The following PRMT8 variants were observed in gnomAD, a reference collection of about 807,000 sequenced individuals.
The protein encoded by PRMT8 is protein arginine N-methyltransferase 8.
PRMT8 carries 7 observed loss-of-function variants against 47.1 expected under a neutral mutation model. The ratio of observed to expected loss-of-function variants is 0.15; its 90% confidence interval spans 0.08 to 0.28. The LOEUF is 0.28. Among genes scored for constraint, PRMT8 ranks in the 10% least tolerant of loss-of-function variants. The probability of loss-of-function intolerance (pLI) is 1.00; values close to 1 mark genes in which losing one functional copy is unlikely to be tolerated. For synonymous variants in PRMT8, 188 were observed against 186.5 expected, an observed-to-expected ratio of 1.01 and a Z score of -0.07; for missense variants, 237 against 505.4, an observed-to-expected ratio of 0.47 and a Z score of 5.09.
chr12:3,476,034 CT>C (rs1182716982), intron 1 of PRMT8, among the ~76,000 whole-genome samples: 1 of 152,154 alleles, frequency 6.6e-6, no homozygotes, highest in African/African-American at 2.4e-5. Context: ...ATCTGGACAC[CT>C]TTATAGAGGG....
Position 3,514,124 on chromosome 12 carries a change from G to T in PRMT8, c.75+22424G>T, listed in dbSNP as rs77107766. ...CTTTGTCAGGGTCAAAGAGTTGGCCGCAGGGCCAAAGTCAGGCTGTGAGCC... is the reference window on the plus strand; with the variant it reads ...CTTTGTCAGGGTCAAAGAGTTGGCCTCAGGGCCAAAGTCAGGCTGTGAGCC... On this transcript the variant is annotated intron_variant, in intron 1 of 9. Coordinates refer to ENST00000382622, the MANE Select transcript of PRMT8 (RefSeq NM_019854.5). This position sits in a 1 kb window ranked among gnomAD's most constrained non-coding sequence, Gnocchi z 5.9. Among the ~76,000 whole-genome samples, 2 of 152,186 alleles carry T rather than the reference G, an allele frequency of 1.3e-5. No homozygotes were observed. The highest frequency in any genetic ancestry group is 3.9e-4 in the East Asian group (2 of 5,172).
chr12:3,504,460 C>T (rs1425254655), intron 1 of PRMT8, among the ~76,000 whole-genome samples: 8 of 117,160 alleles, frequency 6.8e-5, no homozygotes, highest in African/African-American at 7.7e-5. Flanking sequence ...AATACCCTGC[C>T]GTGTGAGGTG....
At chr12:3,546,721 C>T (rs983858952) in intron 2 of PRMT8, among the ~76,000 whole-genome samples, 3 of 152,114 alleles carry the variant, frequency 2.0e-5, no homozygotes, top group Non-Finnish European at 2.9e-5. Flanking sequence ...TATGGTTTTA[C>T]TGGTGAATTA....
chr12:3,470,507 C>G (rs1340128685), intron 1 of PRMT8, among the ~76,000 whole-genome samples: 2 of 152,146 alleles, frequency 1.3e-5, no homozygotes, highest in Non-Finnish European at 2.9e-5. Flanking sequence ...AGTGGGAGGT[C>G]TGTGAGCTCC....
chr12:3,399,114 G>A (rs971957022), intron 1 of PRMT8, among the ~76,000 whole-genome samples: 2 of 152,108 alleles, frequency 1.3e-5, no homozygotes, highest in African/African-American at 4.8e-5. Flanking sequence ...AGGGCTCGTT[G>A]GCTCTCCCCA....
At chr12:3,454,564 C>T (rs4766123) in intron 1 of PRMT8, among the ~76,000 whole-genome samples, 1 of 151,948 alleles carries the variant, frequency 6.6e-6, no homozygotes, top group African/African-American at 2.4e-5. Context: ...CCAGGGAAGA[C>T]GGGGCGGGCA....
At chr12:3,532,403 A>G (rs1326738377) in intron 1 of PRMT8, among the ~76,000 whole-genome samples, 3 of 150,574 alleles carry the variant, frequency 2.0e-5, no homozygotes, top group East Asian at 1.9e-4. Context: ...TGAGGTCAGG[A>G]GTTCGAGACC....
At chr12:3,384,737 G>T (rs1315256059) in intron 1 of PRMT8, among the ~76,000 whole-genome samples, 3 of 152,084 alleles carry the variant, frequency 2.0e-5, no homozygotes, top group Non-Finnish European at 2.9e-5. Context: ...AACCAGTCTC[G>T]CAAAGAGAAT....
At chr12:3,410,942 A>C (rs1864423000) in intron 1 of PRMT8, among the ~76,000 whole-genome samples, 1 of 152,202 alleles carries the variant, frequency 6.6e-6, no homozygotes, top group African/African-American at 2.4e-5. Flanking sequence ...TATAGTAGTA[A>C]TTTGAGGTTC....
chr12:3,491,884 G>C (rs1213790405), intron 1 of PRMT8, among the ~76,000 whole-genome samples, 184 bp downstream of exon 1: 3 of 89,270 alleles, frequency 3.4e-5, no homozygotes, highest in Non-Finnish European at 7.2e-5. Flanking sequence ...GTGTGTGTGT[G>C]TGTGTTGGTG....
At chr12:3,499,405 A>T (rs1236156192) in intron 1 of PRMT8, among the ~76,000 whole-genome samples, 3 of 74,860 alleles carry the variant, frequency 4.0e-5, no homozygotes, top group African/African-American at 1.8e-4. Flanking sequence ...TGTCCATGTG[A>T]TCTCATTGTT....
At chr12:3,519,455 G>A (rs1489933311) in intron 1 of PRMT8, among the ~76,000 whole-genome samples, 8 of 152,162 alleles carry the variant, frequency 5.3e-5, no homozygotes, top group African/African-American at 7.2e-5. Flanking sequence ...CCACTGAGGC[G>A]GGACAGGGCC....
At chr12:3,517,616 C>T (rs2137137064) in intron 1 of PRMT8, among the ~76,000 whole-genome samples, 1 of 152,162 alleles carries the variant, frequency 6.6e-6, no homozygotes, top group Middle Eastern at 3.4e-3. Flanking sequence ...GCTGAGTACA[C>T]AGAGGTGTGC....
chr12:3,576,789 C>T lies in PRMT8; in HGVS notation c.713-82C>T, dbSNP rs1287113011. 9.3e-6 allele frequency: 10 copies of T among 1,071,272 alleles called. No homozygotes were observed. Among genetic ancestry groups the T allele is most frequent in the African/African-American group, 1.6e-5 (1 of 64,120 alleles). The allele number at this position is 1,071,272 out of a possible 1,614,324, so 66.4% of individuals were successfully genotyped here. A position where few individuals can be genotyped will look rare whatever the true frequency, so the allele number is the denominator to read the frequency against. The stretch of plus-strand genomic sequence containing the variant: ...CGAGCTGCCACTCAGCCCTCAGGCA[C>T]GCTGTGCTCTAGGACTCAGGAGGGT... On this transcript the variant is annotated intron_variant, in intron 6 of 9. Coordinates refer to ENST00000382622, the MANE Select transcript of PRMT8 (RefSeq NM_019854.5). The surrounding 1 kb of genome is among the most constrained non-coding windows in gnomAD (Gnocchi z 4.0).
Position 3,401,101 on chromosome 12 carries a change from C to T in PRMT8, c.48+19659C>T, listed in dbSNP as rs372965615. Among the ~76,000 whole-genome samples the T allele has an allele frequency of 2.4e-4, 34 of 141,892 alleles. No homozygotes were observed. In the East Asian group the frequency reaches 6.0e-3, roughly 25 times the overall value. 93.1% of individuals were successfully genotyped at this position (141,892 alleles called of 152,430 possible). A position where few individuals can be genotyped will look rare whatever the true frequency, so the allele number is the denominator to read the frequency against. ...GGTGGAGGTTGTGGTGAGCTGAGAT[C>T]GCACCATTACACTCCAGCCTGGACA... On this transcript the variant is annotated intron_variant, in intron 1 of 9. Coordinates refer to the PRMT8 transcript ENST00000452611.
chr12:3,542,463 G>C (rs933065286), intron 2 of PRMT8, among the ~76,000 whole-genome samples: 2 of 152,226 alleles, frequency 1.3e-5, no homozygotes, highest in Admixed American at 6.5e-5. Context: ...GGGCAAAAGA[G>C]ACTCTGCGAA....
rs1864970701 is a variant in PRMT8, at chr12:3,456,119, C to T, written c.48+74677C>T. On this transcript the variant is annotated intron_variant, in intron 1 of 9. Coordinates refer to the PRMT8 transcript ENST00000452611. This position sits in a 1 kb window ranked among gnomAD's most constrained non-coding sequence, Gnocchi z 4.2. ...CAAACTATTTAGCCCAACTCCTGGC[C>T]ATGAGCTAGGTGCTAAGAGTGCTTT... is the stretch of plus-strand genomic sequence containing the variant. 6.6e-6 allele frequency among the ~76,000 whole-genome samples: 1 copy of T among 152,224 alleles called. No homozygotes were observed. The highest frequency in any genetic ancestry group is 1.5e-5 in the Non-Finnish European group (1 of 68,046).
At chr12:3,418,538 C>T (rs74438581) in intron 1 of PRMT8, among the ~76,000 whole-genome samples, 2,816 of 152,308 alleles carry the variant, frequency 0.018, 91 homozygotes, top group African/African-American at 0.065. Flanking sequence ...AGCCAATCAT[C>T]AGAAAGGCTT....
chr12:3,480,231 T>TA (rs1014869658), intron 1 of PRMT8, among the ~76,000 whole-genome samples: 58 of 151,402 alleles, frequency 3.8e-4, no homozygotes, highest in Non-Finnish European at 7.4e-4. Flanking sequence ...AATTAAAGCT[T>TA]AAAAAATGTT....
Sources: gnomAD v4.1 joint callset for allele counts (sites outside exome capture counted in the v4.1 genomes callset) on GRCh38, gnomAD v4.1.1 for gene constraint, Gnocchi (gnomAD v3.1) non-coding constraint, MANE v1.5 for transcripts, NCBI Gene and HGNC (gene_info 2026-07-23, HGNC 2026-07-21) for gene names.